ITGBL1: variants seen among roughly 807,000 people sequenced by gnomAD.
ITGBL1 encodes integrin subunit beta like 1.
In ITGBL1, 51 loss-of-function variants were observed where a neutral mutation model predicts 68.5. That is an observed-to-expected ratio of 0.74 (90% CI 0.59 to 0.94). The LOEUF (loss-of-function observed/expected upper bound fraction) is 0.94. ITGBL1 is among the 40% of genes least tolerant of loss of function. ITGBL1 has a pLI of 0.00. For missense variants in ITGBL1, 649 were observed against 647.4 expected (o/e 1.00, Z -0.03); for synonymous variants, 209 against 227.3 (o/e 0.92, Z 0.72).
intron 8 of ITGBL1, among the ~76,000 whole-genome samples, chr13:101,702,146 A>G (rs1008348579): frequency 4.6e-5 from 7 of 152,194 alleles, no homozygotes; most frequent in Non-Finnish European, 1.0e-4. Flanking sequence ...TCTTGGACAA[A>G]TCATTGTTTG....
intron 7 of ITGBL1, among the ~76,000 whole-genome samples, chr13:101,680,260 G>A (rs891617974): frequency 4.6e-5 from 7 of 152,140 alleles, no homozygotes; most frequent in South Asian, 2.1e-4. Context: ...TTTGGCAGGC[G>A]CTTTCTCTAG....
intron 7 of ITGBL1, among the ~76,000 whole-genome samples, chr13:101,671,509 G>A (rs1256516120): frequency 7.3e-6 from 1 of 136,076 alleles, no homozygotes; most frequent in African/African-American, 2.7e-5. Flanking sequence ...CGTGATCTCG[G>A]CTCACTGCAA....
intron 2 of ITGBL1, among the ~76,000 whole-genome samples, chr13:101,519,523 G>C (rs1339592647): frequency 6.6e-5 from 10 of 151,888 alleles, no homozygotes; most frequent in Admixed American, 4.6e-4. Context: ...CTGTCTGCCT[G>C]CCTGCCTGCC....
chr13:101,458,603 A>G (rs2048275972), intron 2 of ITGBL1, among the ~76,000 whole-genome samples: 1 of 152,074 alleles, frequency 6.6e-6, no homozygotes, highest in African/African-American at 2.4e-5. Context: ...AGTTCTAGGG[A>G]GCCTCCCCCA....
Position 101,617,265 on chromosome 13 carries a change from A to C in ITGBL1, c.1015+18966A>C, listed in dbSNP as rs575825398. ...ATTCTGCTTTTAAAAAATTGGAATAAAAAGGTAGACCAAGCCCCAAATTAT... is the reference window on the plus strand; with the variant it reads ...ATTCTGCTTTTAAAAAATTGGAATACAAAGGTAGACCAAGCCCCAAATTAT... On this transcript the variant is annotated intron_variant, in intron 7 of 10. Transcript: ENST00000376180. Among the ~76,000 whole-genome samples, 6 of 152,220 alleles carry C rather than the reference A, an allele frequency of 3.9e-5. No homozygotes were observed. In the South Asian group the frequency reaches 1.2e-3, roughly 32 times the overall value.
chr13:101,554,649 G>T (rs892991858), intron 2 of ITGBL1, among the ~76,000 whole-genome samples: 9 of 152,168 alleles, frequency 5.9e-5, no homozygotes, highest in Non-Finnish European at 1.3e-4. Context: ...TGTTGAAATT[G>T]TTCTGAGATG....
rs563374723 is a variant in ITGBL1 at position 101,545,007 on chromosome 13, G to T, written c.317-22692G>T. Among the ~76,000 whole-genome samples, 4 of 152,304 alleles carry T rather than the reference G, an allele frequency of 2.6e-5. No homozygotes were observed. The East Asian group carries it at 7.7e-4, about 29-fold the overall frequency. On this transcript the variant is annotated intron_variant, in intron 2 of 10. Coordinates refer to ENST00000376180, the MANE Select transcript of ITGBL1 (RefSeq NM_004791.3). ...CTGACCCCTTGTGCTTCCCGGGTGA[G>T]GCGATTCCTCACCCTGCTTCAGCTC...
At chr13:101,519,066 A>C (rs995574623) in intron 2 of ITGBL1, among the ~76,000 whole-genome samples, 10 of 152,154 alleles carry the variant, frequency 6.6e-5, no homozygotes, top group Admixed American at 5.9e-4. Context: ...TAGATACTAA[A>C]CTTTAAAAAT....
At chr13:101,613,524 C>T (rs888092059) in intron 7 of ITGBL1, among the ~76,000 whole-genome samples, 2 of 152,042 alleles carry the variant, frequency 1.3e-5, no homozygotes, top group Non-Finnish European at 2.9e-5. Flanking sequence ...GCTGTAAGTA[C>T]GGAGGGCAGG....
intron 2 of ITGBL1, among the ~76,000 whole-genome samples, chr13:101,481,753 C>G (rs1023212004): frequency 6.6e-6 from 1 of 151,984 alleles, no homozygotes; most frequent in Non-Finnish European, 1.5e-5. Context: ...GCAAGATTTT[C>G]TTTTTATTTT....
chr13:101,688,875 T>A (rs80283259), intron 7 of ITGBL1, among the ~76,000 whole-genome samples: 2,183 of 152,264 alleles, frequency 0.014, 62 homozygotes, highest in African/African-American at 0.05. Flanking sequence ...GATTACTGTT[T>A]AATGCACGTG....
chr13:101,493,802 G>A (rs983252991), intron 2 of ITGBL1, among the ~76,000 whole-genome samples: 4 of 152,210 alleles, frequency 2.6e-5, no homozygotes, highest in Non-Finnish European at 5.9e-5. Context: ...GAGCCTATCT[G>A]ATGTTTCTTC....
chr13:101,716,708 CTGGAAACCT>C (rs2034736868), downstream of ITGBL1: 1 of 150,038 alleles, frequency 6.7e-6, no homozygotes, highest in Admixed American at 6.7e-5. Context: ...ACCTTACTTA[CTGGAAACCT>C]GGGGTCATGC....
chr13:101,598,070 G>T, intron 6 of ITGBL1, 83 bp from the exon 7 acceptor site: 1 of 1,267,068 alleles, frequency 7.9e-7, no homozygotes, highest in South Asian at 1.5e-5. Flanking sequence ...ACTCATTTGT[G>T]ACATTTGCTG....
chr13:101,689,346 G>T (rs575399878), intron 7 of ITGBL1, among the ~76,000 whole-genome samples: 1 of 152,062 alleles, frequency 6.6e-6, no homozygotes, highest in East Asian at 1.9e-4. Flanking sequence ...CTTGAAGAAT[G>T]ATTGGAAATT....
chr13:101,699,520 T>C (rs2034083014), intron 8 of ITGBL1, among the ~76,000 whole-genome samples: 1 of 152,202 alleles, frequency 6.6e-6, no homozygotes, highest in African/African-American at 2.4e-5. Context: ...TCACGAGATC[T>C]GAAGGTTTTA....
chr13:101,521,008 GAGAC>G (rs1364745533), intron 2 of ITGBL1, among the ~76,000 whole-genome samples: 1 of 152,178 alleles, frequency 6.6e-6, no homozygotes. Flanking sequence ...TGCCGACTGA[GAGAC>G]AGGATTTTGA....
At chr13:101,456,669 C>T (rs2048248366) in intron 2 of ITGBL1, among the ~76,000 whole-genome samples, 1 of 152,030 alleles carries the variant, frequency 6.6e-6, no homozygotes, top group African/African-American at 2.4e-5. Context: ...AATCCTAGCA[C>T]TTTGGAAGCC....
intron 7 of ITGBL1, among the ~76,000 whole-genome samples, chr13:101,633,832 G>C (rs552779758): frequency 2.0e-4 from 31 of 152,232 alleles, no homozygotes; most frequent in African/African-American, 7.2e-4. Flanking sequence ...ATTGGGATAG[G>C]CTGATTATGT....
Sources: gnomAD v4.1 joint callset for allele counts (sites outside exome capture counted in the v4.1 genomes callset) on GRCh38, gnomAD v4.1.1 for gene constraint, MANE v1.5 for transcripts, NCBI Gene and HGNC (gene_info 2026-07-23, HGNC 2026-07-21) for gene names.